IGSF9B: variants seen among roughly 807,000 people sequenced by gnomAD.
The protein encoded by IGSF9B is protein turtle homolog B.
In IGSF9B, 48 loss-of-function variants were observed where a neutral mutation model predicts 143.7. The observed-to-expected ratio is 0.33, with a 90% confidence interval of 0.26 to 0.42. The LOEUF (loss-of-function observed/expected upper bound fraction) is 0.42. Among genes scored for constraint, IGSF9B ranks in the 20% least tolerant of loss-of-function variants. The pLI is 1.00. For missense variants in IGSF9B, 1,706 were observed against 1,980.0 expected (o/e 0.86, Z 2.63); for synonymous variants, 903 against 833.1 (o/e 1.08, Z -1.44).
At chr11:133,922,293 G>A (rs1939554657) in intron 16 of IGSF9B, 71 bp from the exon 17 acceptor site, 8 of 1,381,730 alleles carry the variant, frequency 5.8e-6, no homozygotes, top group Non-Finnish European at 8.1e-6. Flanking sequence ...CATCTGCAGA[G>A]GCTGACAGAG....
chr11:133,924,678 T>C (rs1939593850), intron 15 of IGSF9B, 142 bp downstream of exon 15: 2 of 672,950 alleles, frequency 3.0e-6, no homozygotes, highest in Non-Finnish European at 5.2e-6. Context: ...AGAAAGGCTA[T>C]GACTCACGCA....
intron 7 of IGSF9B, 46 bp from the exon 8 acceptor site, chr11:133,932,259 G>GGACA (rs745742807): frequency 1.8e-5 from 27 of 1,486,300 alleles, no homozygotes; most frequent in East Asian, 1.2e-4. Context: ...ACAGACACAG[G>GGACA]GACAGACAGA....
At chr11:133,946,913 G>A (rs759673756) in intron 1 of IGSF9B, among the ~76,000 whole-genome samples, 1 of 152,198 alleles carries the variant, frequency 6.6e-6, no homozygotes, top group Non-Finnish European at 1.5e-5. Context: ...GGCCTCTCCA[G>A]CCCCTCCTCC....
rs1386090095 is a variant in IGSF9B at position 133,905,012 on chromosome 11, G to T, written c.*4057C>A. Among the ~76,000 whole-genome samples the T allele has an allele frequency of 6.7e-6, 1 of 150,282 alleles. No homozygotes were observed. On this transcript the variant is annotated 3_prime_UTR_variant, in exon 20 of 20. Transcript: ENST00000533871. This position sits in a 1 kb window ranked among gnomAD's most constrained non-coding sequence, Gnocchi z 4.0. ...AGGGCTGGGTTAGAAGCCCCGGTGG[G>T]AATGTGCACAGCTCCTAGAGTACCA...
intron 12 of IGSF9B, among the ~76,000 whole-genome samples, chr11:133,927,383 G>A (rs1939647378): frequency 6.6e-6 from 1 of 152,348 alleles, no homozygotes; most frequent in East Asian, 1.9e-4. Flanking sequence ...TGCATTGTGG[G>A]AGAATCCCAC....
rs1323875025 is a variant in IGSF9B at position 133,909,515 on chromosome 11, G to A, written c.4106-238C>T. Among the ~76,000 whole-genome samples, 1 of 152,184 alleles carries A rather than the reference G, an allele frequency of 6.6e-6. No individual in the cohort carries two copies. Among genetic ancestry groups the A allele is most frequent in the African/African-American group, 2.4e-5 (1 of 41,434 alleles). On this transcript the variant is annotated intron_variant, in intron 19 of 19. Coordinates refer to ENST00000533871, the MANE Select transcript of IGSF9B (RefSeq NM_001277285.4). This position sits in a 1 kb window ranked among gnomAD's most constrained non-coding sequence, Gnocchi z 4.2. ...TGAATAAGAGTTAAGAAAGTGGAAT[G>A]GAGAGGATTTTCCTTCTCATTCATT... is the stretch of plus-strand genomic sequence containing the variant.
chr11:133,910,896 C>T (rs903247492), intron 19 of IGSF9B, among the ~76,000 whole-genome samples: 1 of 152,108 alleles, frequency 6.6e-6, no homozygotes, highest in Non-Finnish European at 1.5e-5. Flanking sequence ...CTTTGAGCTC[C>T]AGTTTCTAAC....
In IGSF9B at chr11:133,922,593, T is replaced by C; in HGVS notation, c.2257A>G (p.Lys753Glu). 1 of 1,611,846 alleles carries C rather than the reference T, an allele frequency of 6.2e-7. No homozygotes were observed. Among genetic ancestry groups the C allele is most frequent in the Non-Finnish European group, 8.5e-7 (1 of 1,179,100 alleles). The change falls in exon 16 of 20, where the codon AAG becomes GAG. Residue 753 changes from lysine (K) to glutamate (E), a missense_variant. Lys to Glu is a moderately conservative substitution (Grantham distance 56, BLOSUM62 1). Coordinates refer to ENST00000533871, the MANE Select transcript of IGSF9B (RefSeq NM_001277285.4). ...CCTTTTTTGCGCTTGAGCTTACGCT[T>C]GCGCTGCTTGTTGACAAAGCAGGCA... ...LAACFVNKQRKRKLKRKKDPP... is the reference protein window; with the variant it reads ...LAACFVNKQRERKLKRKKDPP...
At chr11:133,912,496 C>A (rs1388661315) in intron 18 of IGSF9B, 17 of 383,516 alleles carry the variant, frequency 4.4e-5, no homozygotes, top group South Asian at 2.6e-4. Context: ...AAACCCGACC[C>A]CCAGTAAGAC....
At position 133,913,177 on chromosome 11, in the gene IGSF9B, G is replaced by A. The variant is rs548630915; in HGVS notation, c.3984-1170C>T. On this transcript the variant is annotated intron_variant, in intron 18 of 19. Transcript: ENST00000533871. This position sits in a 1 kb window ranked among gnomAD's most constrained non-coding sequence, Gnocchi z 4.6. ...CGCTCTGGGGCCACGGCGGACAGGC[G>A]TGCCTCGCTCTTCTTCTCCTGGACC... 2.0e-5 allele frequency among the ~76,000 whole-genome samples: 3 copies of A among 152,276 alleles called. No homozygotes were observed. Among genetic ancestry groups the A allele is most frequent in the Admixed American group, 1.3e-4 (2 of 15,302 alleles).
intron 11 of IGSF9B, among the ~76,000 whole-genome samples, chr11:133,930,351 C>A (rs1460979046): frequency 1.3e-5 from 2 of 152,180 alleles, no homozygotes; most frequent in Admixed American, 1.3e-4. Flanking sequence ...CAGCTCGCAC[C>A]TCCCGAGTTG....
intron 1 of IGSF9B, among the ~76,000 whole-genome samples, chr11:133,951,720 G>A (rs970791658): frequency 2.0e-5 from 3 of 152,088 alleles, no homozygotes; most frequent in Non-Finnish European, 2.9e-5. Flanking sequence ...AGGCCTGCCC[G>A]GCACTCACAG....
At chr11:133,930,649 C>G (rs925616501) in intron 11 of IGSF9B, among the ~76,000 whole-genome samples, 1 of 152,186 alleles carries the variant, frequency 6.6e-6, no homozygotes, top group African/African-American at 2.4e-5. Flanking sequence ...CTCCCTCATT[C>G]CAGCCCTCCA....
intron 19 of IGSF9B, among the ~76,000 whole-genome samples, chr11:133,910,457 C>A (rs753543228): frequency 6.6e-6 from 1 of 152,170 alleles, no homozygotes; most frequent in Admixed American, 6.5e-5. Flanking sequence ...ACAGGCATTA[C>A]CTAGCGGGCT....
Position 133,913,383 on chromosome 11 carries a change from A to G in IGSF9B, c.3984-1376T>C, listed in dbSNP as rs1432441165. Among the ~76,000 whole-genome samples the G allele has an allele frequency of 2.6e-5, 4 of 152,094 alleles. No homozygotes were observed. Among genetic ancestry groups the G allele is most frequent in the Non-Finnish European group, 5.9e-5 (4 of 68,012 alleles). The stretch of plus-strand genomic sequence containing the variant: ...TGCAGTCTCTTCTCCCCAGCATCAA[A>G]TATGTTGGCAGCAAGGCGGGAAGAG... On this transcript the variant is annotated intron_variant, in intron 18 of 19. Transcript: ENST00000533871. The surrounding 1 kb of genome is among the most constrained non-coding windows in gnomAD (Gnocchi z 4.6).
chr11:133,944,084 A>T, intron 3 of IGSF9B, 136 bp downstream of exon 3: 1 of 955,938 alleles, frequency 1.0e-6, no homozygotes, highest in Non-Finnish European at 1.5e-6. Flanking sequence ...GTCTCATGGG[A>T]CCACAGCAAC....
chr11:133,926,069 G>C, intron 13 of IGSF9B, 104 bp from the exon 14 acceptor site: 1 of 825,934 alleles, frequency 1.2e-6, no homozygotes, highest in Non-Finnish European at 2.0e-6. Flanking sequence ...GAGGGAAGCA[G>C]AGTCAGGGCC....
At chr11:133,937,632 G>C in intron 4 of IGSF9B, 139 bp from the exon 5 acceptor site, 1 of 1,009,428 alleles carries the variant, frequency 9.9e-7, no homozygotes, top group African/African-American at 1.6e-5. Context: ...CGAAGGGCAG[G>C]TGCCCCCTTG....
Position 133,911,881 on chromosome 11 carries a change from T to C in IGSF9B, c.4105+5A>G. 1 of 1,525,826 alleles carries C rather than the reference T, an allele frequency of 6.6e-7. No individual in the cohort carries two copies. The highest frequency in any genetic ancestry group is 8.7e-7 in the Non-Finnish European group (1 of 1,143,160). 94.5% of individuals were successfully genotyped at this position (1,525,826 alleles called of 1,614,324 possible). ...GAGCGGGGCGGGCCACTGCCCATCA[T>C]TTACCGGATCGTTTCTTTGACTTCG... On this transcript the variant is annotated splice_donor_5th_base_variant and intron_variant, in intron 19 of 19. Coordinates refer to ENST00000533871, the MANE Select transcript of IGSF9B (RefSeq NM_001277285.4).
Sources: allele counts gnomAD v4.1 joint callset (sites outside exome capture counted in the v4.1 genomes callset), GRCh38; gene constraint gnomAD v4.1.1; non-coding constraint Gnocchi (gnomAD v3.1); transcripts MANE v1.5; gene names NCBI Gene and HGNC (gene_info 2026-07-23, HGNC 2026-07-21).